Variants in SAMD5 observed in about 807,000 individuals in gnomAD.
SAMD5 encodes the protein sterile alpha motif domain-containing protein 5.
Under a neutral mutation model 11.3 loss-of-function variants are expected in SAMD5, and 13 were observed. The ratio of observed to expected loss-of-function variants is 1.15; its 90% CI spans 0.75 to 1.83. The LOEUF (loss-of-function observed/expected upper bound fraction) is 1.83, where lower values mean the gene tolerates loss of function less well. SAMD5 is among the 40% of genes most tolerant of loss of function. The probability of loss-of-function intolerance (pLI) is 0.00; values close to 1 mark genes in which losing one functional copy is unlikely to be tolerated. For synonymous variants in SAMD5, 129 were observed against 111.3 expected (o/e 1.16, Z -1.00); for missense variants, 255 against 239.1 (o/e 1.07, Z -0.44).
At position 147,508,995 on chromosome 6, in the gene SAMD5, G is replaced by A; in HGVS notation, c.67G>A (p.Val23Met). 4 of 1,602,848 alleles carry A rather than the reference G, an allele frequency of 2.5e-6. No individual in the cohort carries two copies. Among genetic ancestry groups the A allele is most frequent in the Non-Finnish European group, 3.4e-6 (4 of 1,175,324 alleles). ...LQLPQYAESF[V>M]DNGYDDLEVC... is the part of the protein sequence containing the mutation. ...GCTTCCGCAGTACGCGGAGTCCTTCGTGGATAACGGCTACGATGACCTGGA... is the reference window on the plus strand; with the variant it reads ...GCTTCCGCAGTACGCGGAGTCCTTCATGGATAACGGCTACGATGACCTGGA... Residue 23 changes from valine (V) to methionine (M), a missense_variant, in exon 1 of 2, where the codon GTG becomes ATG. Val to Met is a conservative substitution (Grantham distance 21, BLOSUM62 1). Transcript: ENST00000367474.
the SAMD5 span, among the ~76,000 whole-genome samples, chr6:147,853,978 A>G: frequency 6.6e-6 from 1 of 152,220 alleles, no homozygotes; most frequent in African/African-American, 2.4e-5. Context: ...TTGCTTAAAA[A>G]TACTCATTAA....
chr6:147,877,679 CA>C, the SAMD5 span, among the ~76,000 whole-genome samples: 9 of 151,754 alleles, frequency 5.9e-5, no homozygotes, highest in Admixed American at 5.3e-4. Context: ...AGTCTTTATC[CA>C]ATCAGTTGAA....
intron 1 of SAMD5, among the ~76,000 whole-genome samples, chr6:147,510,205 C>T (rs981200185): frequency 1.3e-5 from 2 of 152,160 alleles, no homozygotes; most frequent in African/African-American, 4.8e-5. Context: ...GAATCCTCTG[C>T]ACCGGGGGCC....
intron 1 of SAMD5, among the ~76,000 whole-genome samples, chr6:147,712,666 C>G (rs59390517): frequency 0.084 from 12,803 of 152,056 alleles, 1,334 homozygotes; most frequent in African/African-American, 0.25. Flanking sequence ...AAGGGAGGGA[C>G]ATCTCCCTCT....
At chr6:147,895,949 A>T in the SAMD5 span, among the ~76,000 whole-genome samples, 1 of 152,204 alleles carries the variant, frequency 6.6e-6, no homozygotes. Flanking sequence ...TGGAAGAGAC[A>T]GCTGGGGGTC....
rs146898265 is a variant in SAMD5 at position 147,657,763 on chromosome 6, C to T, written c.163-79554C>T. On this transcript the variant is annotated intron_variant, in intron 1 of 1. Coordinates refer to the SAMD5 transcript ENST00000566741. ...TGGTAGAAGGGGCATGGAAGCTCTC[C>T]GAAGTTTCTTTTATATGGGCATCAG... 1.7e-3 allele frequency among the ~76,000 whole-genome samples: 252 copies of T among 152,252 alleles called. 1 individual carries two copies. Among genetic ancestry groups the T allele is most frequent in the African/African-American group, 5.7e-3 (236 of 41,550 alleles).
chr6:147,945,900 G>A, the SAMD5 span, among the ~76,000 whole-genome samples: 1 of 152,188 alleles, frequency 6.6e-6, no homozygotes, highest in African/African-American at 2.4e-5. Flanking sequence ...GTGAAGAAAT[G>A]CATTTTGGTC....
intron 1 of SAMD5, among the ~76,000 whole-genome samples, chr6:147,544,512 T>C (rs1258265498): frequency 6.6e-6 from 1 of 152,224 alleles, no homozygotes; most frequent in East Asian, 1.9e-4. Flanking sequence ...ATTCATTTCT[T>C]ATATTCACAC....
At chr6:147,754,251 G>A in the SAMD5 span, among the ~76,000 whole-genome samples, 1 of 151,702 alleles carries the variant, frequency 6.6e-6, no homozygotes, top group African/African-American at 2.4e-5. Context: ...TTTTAACTGG[G>A]GTGAGCTGAT....
At chr6:147,667,134 A>G (rs970012897) in intron 1 of SAMD5, among the ~76,000 whole-genome samples, 1 of 152,204 alleles carries the variant, frequency 6.6e-6, no homozygotes, top group Non-Finnish European at 1.5e-5. Flanking sequence ...GGTTGCTTAC[A>G]TATCCGGGTC....
intron 1 of SAMD5, among the ~76,000 whole-genome samples, chr6:147,583,703 C>T (rs1789333389): frequency 1.3e-5 from 2 of 152,048 alleles, no homozygotes; most frequent in Admixed American, 1.3e-4. Flanking sequence ...TACTTTATAA[C>T]CTGTTGCCAT....
At chr6:147,571,152 C>T (rs1273481645), downstream of SAMD5, among the ~76,000 whole-genome samples, 2 of 152,158 alleles carry the variant, frequency 1.3e-5, no homozygotes, top group Admixed American at 6.6e-5. Flanking sequence ...GCCTTAAAAC[C>T]TTATGCTTCA....
downstream of SAMD5, among the ~76,000 whole-genome samples, chr6:147,571,770 G>A (rs1789141675): frequency 6.6e-6 from 1 of 152,060 alleles, no homozygotes; most frequent in Non-Finnish European, 1.5e-5. Flanking sequence ...GCCATTTTGA[G>A]TGAAGAATAT....
At chr6:147,879,064 G>A in the SAMD5 span, among the ~76,000 whole-genome samples, 2 of 152,278 alleles carry the variant, frequency 1.3e-5, no homozygotes, top group South Asian at 2.1e-4. Context: ...TCCTCACTGC[G>A]ATACCTGATG....
the SAMD5 span, among the ~76,000 whole-genome samples, chr6:147,830,370 C>T: frequency 1.7e-3 from 256 of 149,492 alleles, no homozygotes; most frequent in African/African-American, 6.1e-3. Context: ...AATTTTCATG[C>T]CTCAGCCTCC....
At chr6:147,632,927 G>A (rs1296935992) in intron 1 of SAMD5, among the ~76,000 whole-genome samples, 1 of 152,072 alleles carries the variant, frequency 6.6e-6, no homozygotes, top group Non-Finnish European at 1.5e-5. Context: ...CCACAGTCAT[G>A]CCTTTGCACC....
chr6:147,661,876 A>G (rs12661629), intron 1 of SAMD5, among the ~76,000 whole-genome samples: 13,515 of 151,974 alleles, frequency 0.089, 875 homozygotes, highest in East Asian at 0.26. Flanking sequence ...TGATTTGCCC[A>G]CCTCGGCCTC....
At chr6:147,750,925 TGAAC>T in the SAMD5 span, among the ~76,000 whole-genome samples, 1 of 152,050 alleles carries the variant, frequency 6.6e-6, no homozygotes, top group Non-Finnish European at 1.5e-5. Context: ...CATCTCAAAA[TGAAC>T]AAACAAACAA....
intron 1 of SAMD5, among the ~76,000 whole-genome samples, chr6:147,585,655 T>G (rs968002285): frequency 1.3e-4 from 20 of 152,136 alleles, no homozygotes; most frequent in African/African-American, 4.8e-4. Context: ...ACTCCCCTCT[T>G]GGCAGGAGGA....
Sources: gnomAD v4.1 joint callset for allele counts (sites outside exome capture counted in the v4.1 genomes callset) on GRCh38, gnomAD v4.1.1 for gene constraint, MANE v1.5 for transcripts, NCBI Gene and HGNC (gene_info 2026-07-23, HGNC 2026-07-21) for gene names.